Variants in GSTCD observed in about 807,000 individuals in gnomAD.
The protein encoded by GSTCD is glutathione S-transferase C-terminal domain containing.
In GSTCD, 44 loss-of-function variants were observed where a neutral mutation model predicts 68.3. The observed-to-expected ratio is 0.64, with a 90% CI of 0.51 to 0.83. The LOEUF is 0.83. Ranked by LOEUF, GSTCD falls within the 40% of genes least tolerant of loss-of-function variation. GSTCD has a pLI of 0.00. For missense variants in GSTCD, 739 were observed against 735.9 expected, an observed-to-expected ratio of 1.00 and a Z score of -0.05; for synonymous variants, 273 against 255.2, an observed-to-expected ratio of 1.07 and a Z score of -0.67.
rs1459480010 is a variant in GSTCD, at chr4:105,845,423, C to A, written c.1766-18C>A. 1.9e-6 allele frequency: 3 copies of A among 1,613,608 alleles called. No homozygotes were observed. Among genetic ancestry groups the A allele is most frequent in the Non-Finnish European group, 2.5e-6 (3 of 1,179,810 alleles). The stretch of plus-strand genomic sequence containing the variant: ...CTAGTGAAAGGGTGTCTCATGATAC[C>A]ATTTGACTGTGTTTCAGGAAAACAG... On this transcript the variant is annotated intron_variant, in intron 11 of 11. Transcript: ENST00000515279.
intron 5 of GSTCD, among the ~76,000 whole-genome samples, chr4:105,799,059 CT>C (rs1736007447): frequency 6.6e-6 from 1 of 152,218 alleles, no homozygotes; most frequent in African/African-American, 2.4e-5. Context: ...TCATCTTGCA[CT>C]TTTATGTCAT....
chr4:105,823,857 C>T (rs1431305936), intron 7 of GSTCD, among the ~76,000 whole-genome samples: 1 of 151,980 alleles, frequency 6.6e-6, no homozygotes, highest in Non-Finnish European at 1.5e-5. Flanking sequence ...AATGTTTTTC[C>T]CTATTGCTAA....
At chr4:105,797,130 T>G (rs1465771943) in intron 5 of GSTCD, among the ~76,000 whole-genome samples, 1 of 151,972 alleles carries the variant, frequency 6.6e-6, no homozygotes, top group Non-Finnish European at 1.5e-5. Flanking sequence ...AGTTTGTCAG[T>G]ATAGGCTCAC....
intron 1 of GSTCD, among the ~76,000 whole-genome samples, chr4:105,714,858 A>G (rs1732638476): frequency 6.6e-6 from 1 of 152,190 alleles, no homozygotes. Flanking sequence ...AAGAGTTTAT[A>G]GAATATGTCT....
intron 5 of GSTCD, among the ~76,000 whole-genome samples, chr4:105,753,520 A>T (rs1240274801): frequency 6.6e-6 from 1 of 152,014 alleles, no homozygotes; most frequent in African/African-American, 2.4e-5. Context: ...TTTTCTTGTC[A>T]TGATGCCCTA....
chr4:105,760,171 A>C (rs1169848399), intron 5 of GSTCD, among the ~76,000 whole-genome samples: 1 of 151,528 alleles, frequency 6.6e-6, no homozygotes, highest in East Asian at 1.9e-4. Context: ...AATAGGCAAA[A>C]AAAAAAAAAA....
At chr4:105,785,768 A>G (rs78000647) in intron 5 of GSTCD, among the ~76,000 whole-genome samples, 1 of 151,216 alleles carries the variant, frequency 6.6e-6, no homozygotes, top group African/African-American at 2.4e-5. Context: ...AATAAAAAGG[A>G]AAAAAAAAGG....
intron 5 of GSTCD, among the ~76,000 whole-genome samples, chr4:105,732,426 G>A (rs1325568646): frequency 6.6e-6 from 1 of 152,178 alleles, no homozygotes; most frequent in Non-Finnish European, 1.5e-5. Context: ...TTTGGAGGGT[G>A]TATGTGTCCA....
intron 5 of GSTCD, among the ~76,000 whole-genome samples, chr4:105,808,317 T>C (rs934386894): frequency 6.6e-6 from 1 of 152,066 alleles, no homozygotes; most frequent in Non-Finnish European, 1.5e-5. Flanking sequence ...TTCTAATTGC[T>C]CAGGCTCAGA....
intron 5 of GSTCD, among the ~76,000 whole-genome samples, chr4:105,788,388 G>A (rs904853453): frequency 5.9e-5 from 9 of 151,906 alleles, no homozygotes; most frequent in Non-Finnish European, 8.8e-5. Flanking sequence ...GCTAAAGCCC[G>A]TTTTCTCACT....
intron 3 of GSTCD, 112 bp downstream of exon 3, chr4:105,719,639 T>C: frequency 1.3e-6 from 1 of 746,700 alleles, no homozygotes; most frequent in African/African-American, 1.8e-5. Context: ...GGAAAGTTAT[T>C]AATATCTTTC....
In GSTCD at chr4:105,743,110, T is replaced by C. The variant is rs35844635; in HGVS notation, c.1240+13611T>C. Among the ~76,000 whole-genome samples, 451 of 151,514 alleles carry C rather than the reference T, an allele frequency of 3.0e-3. 2 individuals carry two copies. Among genetic ancestry groups the C allele is most frequent in the Admixed American group, 0.024 (369 of 15,196 alleles). Reference sequence around the variant, plus strand: ...GACTACAGGCGCCCGCCACCACGCCTGGCTAATTTTTTTGTATTTTTAGTA... The same window carrying C: ...GACTACAGGCGCCCGCCACCACGCCCGGCTAATTTTTTTGTATTTTTAGTA... On this transcript the variant is annotated intron_variant, in intron 5 of 11. Coordinates refer to ENST00000515279, the MANE Select transcript of GSTCD (RefSeq NM_001370181.1).
chr4:105,827,583 G>C (rs1161254053), intron 8 of GSTCD, among the ~76,000 whole-genome samples: 1 of 152,014 alleles, frequency 6.6e-6, no homozygotes, highest in Non-Finnish European at 1.5e-5. Context: ...ATTGTCACTA[G>C]GTAAATTAGA....
chr4:105,809,969 C>T (rs1348825674), intron 5 of GSTCD, among the ~76,000 whole-genome samples: 1 of 151,896 alleles, frequency 6.6e-6, no homozygotes, highest in Admixed American at 6.6e-5. Context: ...TAAAAGGTAA[C>T]AAATTTCTTA....
At chr4:105,829,033 A>C (rs1488205908) in intron 8 of GSTCD, among the ~76,000 whole-genome samples, 2 of 152,076 alleles carry the variant, frequency 1.3e-5, no homozygotes, top group Admixed American at 1.3e-4. Context: ...GAATCTGCAT[A>C]CTGAAGGATA....
At chr4:105,719,613 T>G (rs1347979345) in intron 3 of GSTCD, 86 bp downstream of exon 3, 2 of 926,546 alleles carry the variant, frequency 2.2e-6, no homozygotes, top group Non-Finnish European at 3.4e-6. Flanking sequence ...TACTTTTTAT[T>G]GTCAATATGC....
chr4:105,791,250 G>A (rs979086208), intron 5 of GSTCD, among the ~76,000 whole-genome samples: 19 of 151,848 alleles, frequency 1.3e-4, no homozygotes, highest in Middle Eastern at 3.4e-3. Context: ...AAAATTAGCC[G>A]GGCGTGGTGG....
chr4:105,718,598 C>T (rs756966186), intron 2 of GSTCD, among the ~76,000 whole-genome samples: 39 of 152,082 alleles, frequency 2.6e-4, no homozygotes, highest in Non-Finnish European at 4.6e-4. Context: ...GGCTAATATA[C>T]CCTTTACGTG....
intron 5 of GSTCD, among the ~76,000 whole-genome samples, chr4:105,787,869 C>G (rs1447642462): frequency 6.6e-6 from 1 of 152,052 alleles, no homozygotes; most frequent in Non-Finnish European, 1.5e-5. Flanking sequence ...ATCATTATTA[C>G]TATTTTAAAA....
Sources: gnomAD v4.1 joint callset for allele counts (sites outside exome capture counted in the v4.1 genomes callset) on GRCh38, gnomAD v4.1.1 for gene constraint, MANE v1.5 for transcripts, NCBI Gene and HGNC (gene_info 2026-07-23, HGNC 2026-07-21) for gene names.